Variants in LCORL observed in about 807,000 individuals in gnomAD.
LCORL encodes the protein ligand-dependent nuclear receptor corepressor-like protein.
A neutral mutation model predicts 141.8 loss-of-function variants in LCORL; 41 were observed. The observed-to-expected ratio is 0.29, with a 90% CI of 0.23 to 0.38. LCORL has a LOEUF of 0.38. Among genes scored for constraint, LCORL ranks in the 10% least tolerant of loss-of-function variants. LCORL has a pLI of 1.00. For missense variants in LCORL, 1,759 were observed against 2,035.0 expected (o/e 0.86, Z 2.61); for synonymous variants, 618 against 694.1 (o/e 0.89, Z 1.72).
chr4:17,912,131 TG>T, intron 4 of LCORL: 2 of 949,818 alleles, frequency 2.1e-6, no homozygotes, highest in African/African-American at 1.6e-5. Context: ...GCAAATACTG[TG>T]GACAATGCCC....
Position 18,021,202 on chromosome 4 carries a change from C to T in LCORL, c.154+396G>A, listed in dbSNP as rs1351065964. On this transcript the variant is annotated intron_variant, in intron 1 of 7. Transcript: ENST00000635767. This position sits in a 1 kb window ranked among gnomAD's most constrained non-coding sequence, Gnocchi z 5.5. ...CCCGCCTTCCTCCGGCCGCCCTGCC[C>T]GCCGGCTCTCCTCCGCCAGGGCGCC... 6.6e-6 allele frequency among the ~76,000 whole-genome samples: 1 copy of T among 152,118 alleles called. No homozygotes were observed. The highest frequency in any genetic ancestry group is 2.4e-5 in the African/African-American group (1 of 41,546).
At chr4:17,882,180 TACAC>T (rs1192984416) in intron 6 of LCORL, 2 of 984,280 alleles carry the variant, frequency 2.0e-6, no homozygotes, top group Non-Finnish European at 1.2e-6. Flanking sequence ...GATTATTAAA[TACAC>T]ACAAACACAA....
chr4:17,877,123 A>T (rs1727004342), exon 7 of LCORL: 2 of 1,230,816 alleles, frequency 1.6e-6, no homozygotes, highest in Admixed American at 8.5e-5. Context: ...TGCCTTCTAA[A>T]CATGGGTGAA....
At chr4:17,927,007 G>A (rs1043832698) in intron 4 of LCORL, among the ~76,000 whole-genome samples, 12 of 152,224 alleles carry the variant, frequency 7.9e-5, no homozygotes, top group East Asian at 5.8e-4. Context: ...CCTAGACGGC[G>A]TCTTCTTTTA....
chr4:17,952,399 T>C (rs529992340), intron 4 of LCORL, among the ~76,000 whole-genome samples: 138 of 151,646 alleles, frequency 9.1e-4, no homozygotes, highest in African/African-American at 3.3e-3. Flanking sequence ...CCCATTTTCT[T>C]TCCCCTCAAA....
chr4:17,979,564 AAAATT>A (rs1717615521), intron 1 of LCORL, among the ~76,000 whole-genome samples: 1 of 152,252 alleles, frequency 6.6e-6, no homozygotes, highest in Admixed American at 6.5e-5. Flanking sequence ...TCAGTGTTAA[AAAATT>A]AAATTGGTAT....
intron 7 of LCORL, among the ~76,000 whole-genome samples, chr4:17,861,189 C>T (rs1417012463): frequency 4.6e-5 from 7 of 152,212 alleles, no homozygotes; most frequent in Non-Finnish European, 7.3e-5. Flanking sequence ...AGCAGAGGTT[C>T]TCCATGAGGG....
At chr4:17,958,634 G>C (rs1161658355) in intron 4 of LCORL, among the ~76,000 whole-genome samples, 3 of 151,930 alleles carry the variant, frequency 2.0e-5, no homozygotes, top group Non-Finnish European at 2.9e-5. Context: ...TAAGTACAAA[G>C]CAGAGAAAGG....
chr4:17,873,657 G>A, exon 7 of LCORL: 1 of 1,233,916 alleles, frequency 8.1e-7, no homozygotes, highest in Non-Finnish European at 1.0e-6. Flanking sequence ...ATTTTGCCTA[G>A]CAGAATGAGA....
At chr4:17,858,746 A>ATAATAC (rs1293914853) in intron 7 of LCORL, among the ~76,000 whole-genome samples, 5 of 151,528 alleles carry the variant, frequency 3.3e-5, no homozygotes, top group African/African-American at 1.2e-4. Flanking sequence ...AATAATAATA[A>ATAATAC]TAATAATAAT....
At chr4:17,970,084 A>C (rs927499818) in intron 2 of LCORL, among the ~76,000 whole-genome samples, 1 of 152,144 alleles carries the variant, frequency 6.6e-6, no homozygotes, top group African/African-American at 2.4e-5. Context: ...TTAACTTAAA[A>C]CATGTATTTA....
intron 2 of LCORL, among the ~76,000 whole-genome samples, chr4:17,967,744 AC>A (rs1715188831): frequency 6.6e-6 from 1 of 152,186 alleles, no homozygotes; most frequent in Non-Finnish European, 1.5e-5. Flanking sequence ...TGATGAATAT[AC>A]TCAGGTAAGT....
At position 18,002,648 on chromosome 4, in the gene LCORL, G is replaced by A. The variant is rs191043810; in HGVS notation, c.154+18950C>T. On this transcript the variant is annotated intron_variant, in intron 1 of 7. Coordinates refer to ENST00000635767, the Ensembl canonical transcript of LCORL. ...AGACAACCAACATATAAAATGTTTT[G>A]ATAATTTTTATATTAAAAATTAAGC... 4.4e-3 allele frequency among the ~76,000 whole-genome samples: 670 copies of A among 152,174 alleles called. 11 individuals are homozygous for A. Among genetic ancestry groups the A allele is most frequent in the Non-Finnish European group, 4.8e-3 (326 of 68,004 alleles).
intron 1 of LCORL, among the ~76,000 whole-genome samples, chr4:17,999,017 T>TACACAC (rs1721460309): frequency 1.6e-5 from 2 of 123,588 alleles, no homozygotes; most frequent in Admixed American, 8.5e-5. Flanking sequence ...CACATATATA[T>TACACAC]ATATATATAT....
At chr4:17,867,294 A>G (rs948037621) in intron 7 of LCORL, among the ~76,000 whole-genome samples, 25 of 152,082 alleles carry the variant, frequency 1.6e-4, no homozygotes, top group Admixed American at 1.6e-3. Context: ...GCCACACCAT[A>G]TCAAAATTGT....
Position 17,902,410 on chromosome 4 carries a change from A to T in LCORL, c.682+6684T>A, listed in dbSNP as rs573029732. On this transcript the variant is annotated intron_variant, in intron 5 of 7. Coordinates refer to ENST00000635767, the Ensembl canonical transcript of LCORL. ...AAACATGGCATCTTCCCAAGCATGG[A>T]ATATAACATTTTCTTCCACATGTTT... 2.0e-5 allele frequency among the ~76,000 whole-genome samples: 3 copies of T among 152,190 alleles called. No individual in the cohort carries two copies. The South Asian group carries it at 6.2e-4, about 32-fold the overall frequency.
chr4:17,842,406 G>A (rs17585261), exon 8 of LCORL: 725,826 of 1,581,588 alleles, frequency 0.46, 173,414 homozygotes, highest in East Asian at 0.78. Context: ...TAGAATATAT[G>A]GAGGCCTATC....
intron 1 of LCORL, among the ~76,000 whole-genome samples, chr4:17,991,359 T>C (rs1253472880): frequency 6.6e-6 from 1 of 152,204 alleles, no homozygotes; most frequent in Non-Finnish European, 1.5e-5. Flanking sequence ...CTCATTAATA[T>C]CTGTTCATCT....
intron 7 of LCORL, among the ~76,000 whole-genome samples, chr4:17,849,232 G>A (rs1723327187): frequency 1.3e-5 from 2 of 152,208 alleles, no homozygotes; most frequent in South Asian, 2.1e-4. Flanking sequence ...TGCCTCCTCA[G>A]GTGGGTCCCT....
Sources: allele counts gnomAD v4.1 joint callset (sites outside exome capture counted in the v4.1 genomes callset), GRCh38; gene constraint gnomAD v4.1.1; non-coding constraint Gnocchi (gnomAD v3.1); transcripts MANE v1.5; gene names NCBI Gene and HGNC (gene_info 2026-07-23, HGNC 2026-07-21).